The following ITFG1 variants were observed in gnomAD, a reference collection of about 807,000 sequenced individuals.
The protein encoded by ITFG1 is T-cell immunomodulatory protein.
In ITFG1, 34 loss-of-function variants were observed where a neutral mutation model predicts 81.8. That is an observed-to-expected ratio of 0.42 (90% CI 0.32 to 0.55). The LOEUF is 0.55. Ranked by LOEUF, ITFG1 falls within the 20% of genes least tolerant of loss-of-function variation. The pLI is 0.17. For synonymous variants in ITFG1, 285 were observed against 270.6 expected, an observed-to-expected ratio of 1.05 and a Z score of -0.52; for missense variants, 672 against 755.4, an observed-to-expected ratio of 0.89 and a Z score of 1.29.
At chr16:47,278,566 T>C (rs1419405093) in intron 10 of ITFG1, among the ~76,000 whole-genome samples, 1 of 152,212 alleles carries the variant, frequency 6.6e-6, no homozygotes, top group Non-Finnish European at 1.5e-5. Flanking sequence ...TTCTGCTCTT[T>C]CTATTCCTGC....
At chr16:47,292,577 T>C (rs1402603320) in intron 10 of ITFG1, among the ~76,000 whole-genome samples, 7 of 152,300 alleles carry the variant, frequency 4.6e-5, no homozygotes, top group African/African-American at 1.7e-4. Flanking sequence ...TGCACAGTGG[T>C]AAAGTCTGGG....
At chr16:47,327,009 A>G (rs2151571581) in intron 8 of ITFG1, among the ~76,000 whole-genome samples, 1 of 152,340 alleles carries the variant, frequency 6.6e-6, no homozygotes, top group East Asian at 1.9e-4. Context: ...AAGAGCCCGC[A>G]TCGCCAAGTC....
intron 8 of ITFG1, among the ~76,000 whole-genome samples, chr16:47,324,468 T>C (rs539655677): frequency 1.8e-4 from 27 of 152,086 alleles, no homozygotes; most frequent in Non-Finnish European, 3.7e-4. Flanking sequence ...AATGACAGGA[T>C]CAAATTCACA....
At chr16:47,344,257 A>ATTTTT (rs1967821947) in intron 8 of ITFG1, among the ~76,000 whole-genome samples, 1 of 152,214 alleles carries the variant, frequency 6.6e-6, no homozygotes, top group Non-Finnish European at 1.5e-5. Flanking sequence ...AAATGGTTAA[A>ATTTTT]ATGGCAAATT....
intron 6 of ITFG1, among the ~76,000 whole-genome samples, chr16:47,397,316 G>C (rs1184860261): frequency 1.3e-5 from 2 of 152,178 alleles, no homozygotes; most frequent in Non-Finnish European, 2.9e-5. Context: ...GGGAGCACAG[G>C]GGTCAGGGAT....
At chr16:47,395,369 T>A (rs1188285830) in intron 6 of ITFG1, among the ~76,000 whole-genome samples, 1 of 152,216 alleles carries the variant, frequency 6.6e-6, no homozygotes, top group Non-Finnish European at 1.5e-5. Context: ...TGAGACACCA[T>A]GATCATTTAT....
intron 13 of ITFG1, among the ~76,000 whole-genome samples, chr16:47,223,159 C>A (rs1000733908): frequency 1.2e-4 from 18 of 151,532 alleles, no homozygotes; most frequent in Non-Finnish European, 1.9e-4. Flanking sequence ...CATTACCATT[C>A]AGGACATAGG....
chr16:47,303,139 C>T (rs1325817196), intron 10 of ITFG1, among the ~76,000 whole-genome samples: 3 of 152,020 alleles, frequency 2.0e-5, no homozygotes, highest in South Asian at 2.1e-4. Flanking sequence ...GGAATGGTGG[C>T]GGGCGCCTGT....
At chr16:47,161,621 GT>G (rs939555962) in intron 16 of ITFG1, 128 bp downstream of exon 16, 6 of 560,130 alleles carry the variant, frequency 1.1e-5, no homozygotes, top group Non-Finnish European at 2.0e-5. Flanking sequence ...AAAGTTTGCC[GT>G]AAGCAAATTA....
chr16:47,173,984 G>A (rs942725093), intron 14 of ITFG1, among the ~76,000 whole-genome samples: 10 of 152,176 alleles, frequency 6.6e-5, no homozygotes, highest in African/African-American at 2.4e-4. Flanking sequence ...AGGTTGTAGT[G>A]AGCTGAGATT....
intron 10 of ITFG1, among the ~76,000 whole-genome samples, chr16:47,310,349 T>C (rs952660515): frequency 8.5e-5 from 13 of 152,172 alleles, no homozygotes; most frequent in South Asian, 2.1e-4. Flanking sequence ...AGCTGAATCA[T>C]TAGTAATTCT....
intron 2 of ITFG1, among the ~76,000 whole-genome samples, chr16:47,455,722 T>C (rs554255228): frequency 2.1e-5 from 3 of 145,302 alleles, no homozygotes; most frequent in African/African-American, 7.7e-5. Context: ...TGAGCCAAGA[T>C]TGGACCATTG....
chr16:47,379,434 T>C (rs1482220536), intron 6 of ITFG1, among the ~76,000 whole-genome samples: 1 of 152,134 alleles, frequency 6.6e-6, no homozygotes, highest in African/African-American at 2.4e-5. Context: ...ACACCAGTAA[T>C]GTCTGCACTT....
chr16:47,410,478 C>T (rs1019579490), intron 6 of ITFG1, among the ~76,000 whole-genome samples: 8 of 152,048 alleles, frequency 5.3e-5, no homozygotes, highest in African/African-American at 1.9e-4. Context: ...GGAAGCGCCT[C>T]TCCCACTGAG....
At position 47,223,651 on chromosome 16, in the gene ITFG1, G is replaced by C. The variant is rs540871590; in HGVS notation, c.1375-4705C>G. 8.5e-5 allele frequency among the ~76,000 whole-genome samples: 13 copies of C among 152,298 alleles called. 1 individual carries two copies. The South Asian group carries it at 2.5e-3, about 29-fold the overall frequency. ...ACTAGTTCAACCATTGTGGAAGTCA[G>C]TGTGGCGATTCCTCAGGGATCTAGA... On this transcript the variant is annotated intron_variant, in intron 13 of 17. Coordinates refer to ENST00000320640, the MANE Select transcript of ITFG1 (RefSeq NM_030790.5).
intron 8 of ITFG1, among the ~76,000 whole-genome samples, chr16:47,329,088 A>C (rs1200160861): frequency 6.6e-6 from 1 of 152,214 alleles, no homozygotes; most frequent in Non-Finnish European, 1.5e-5. Context: ...ATTAGAATAA[A>C]GCACCATAAA....
intron 6 of ITFG1, among the ~76,000 whole-genome samples, chr16:47,421,837 C>A (rs1968954241): frequency 6.6e-6 from 1 of 152,132 alleles, no homozygotes; most frequent in Admixed American, 6.5e-5. Context: ...CAGTCCCCCA[C>A]CCAGCAACAG....
intron 17 of ITFG1, among the ~76,000 whole-genome samples, 198 bp downstream of exon 17, chr16:47,158,675 A>C (rs1964753698): frequency 6.6e-6 from 1 of 152,202 alleles, no homozygotes; most frequent in African/African-American, 2.4e-5. Flanking sequence ...ATTTGTATGA[A>C]TTGATAGGAG....
intron 10 of ITFG1, among the ~76,000 whole-genome samples, 170 bp downstream of exon 10, chr16:47,311,070 C>T (rs764275440): frequency 1.0e-4 from 15 of 150,200 alleles, no homozygotes; most frequent in Non-Finnish European, 1.9e-4. Context: ...AACAACTAAG[C>T]AGTTGTGAGA....
Sources: gnomAD v4.1 joint callset for allele counts (sites outside exome capture counted in the v4.1 genomes callset) on GRCh38, gnomAD v4.1.1 for gene constraint, MANE v1.5 for transcripts, NCBI Gene and HGNC (gene_info 2026-07-23, HGNC 2026-07-21) for gene names.